The following MYO18A variants were observed in gnomAD, a reference collection of about 807,000 sequenced individuals.
MYO18A encodes myosin XVIIIA, also known as unconventional myosin-XVIIIa.
In MYO18A, 78 loss-of-function variants were observed where a neutral mutation model predicts 235.8. That is an observed-to-expected ratio of 0.33 (90% CI 0.28 to 0.40). The LOEUF (loss-of-function observed/expected upper bound fraction) is 0.40. Among genes scored for constraint, MYO18A ranks in the 10% least tolerant of loss-of-function variants. The pLI is 1.00. For missense variants in MYO18A, 2,215 were observed against 2,699.3 expected (o/e 0.82, Z 3.98); for synonymous variants, 977 against 1,077.8 (o/e 0.91, Z 1.83).
intron 19 of MYO18A, chr17:29,107,531 C>T (rs2066819401): frequency 4.2e-6 from 1 of 236,332 alleles, no homozygotes; most frequent in Admixed American, 5.0e-5. Context: ...ACATCCCAAT[C>T]CCCAAGATGC....
chr17:29,091,024 A>C, intron 34 of MYO18A, 98 bp from the exon 35 acceptor site: 2 of 965,298 alleles, frequency 2.1e-6, no homozygotes, highest in Non-Finnish European at 3.2e-6. Context: ...GAAGATGATA[A>C]TGGGCTGAGC....
chr17:29,129,627 T>C (rs1293540717), intron 2 of MYO18A, among the ~76,000 whole-genome samples: 1 of 152,188 alleles, frequency 6.6e-6, no homozygotes, highest in Non-Finnish European at 1.5e-5. Flanking sequence ...CCCAAAACAA[T>C]GATCTTGGTT....
chr17:29,102,722 A>C (rs2066684808), intron 21 of MYO18A, among the ~76,000 whole-genome samples: 2 of 152,222 alleles, frequency 1.3e-5, no homozygotes, highest in Admixed American at 6.5e-5. Flanking sequence ...GACAGAGACG[A>C]AGGGCAGGAG....
Position 29,145,284 on chromosome 17 carries a change from C to T in MYO18A, c.999+20658G>A, listed in dbSNP as rs141607412. On this transcript the variant is annotated intron_variant, in intron 2 of 41. Coordinates refer to ENST00000527372, the MANE Select transcript of MYO18A (RefSeq NM_078471.4). ...ATCTGAACGGTGCACGCACAATAAACGGGCTGGAATAGAGTGGGGAACAAG... is the reference window on the plus strand; with the variant it reads ...ATCTGAACGGTGCACGCACAATAAATGGGCTGGAATAGAGTGGGGAACAAG... Among the ~76,000 whole-genome samples the T allele has an allele frequency of 2.0e-3, 306 of 152,278 alleles. 2 individuals carry two copies. Among genetic ancestry groups the T allele is most frequent in the Middle Eastern group, 0.01 (3 of 294 alleles).
At chr17:29,084,361 T>C (rs1298576383) in intron 40 of MYO18A, among the ~76,000 whole-genome samples, 1 of 152,126 alleles carries the variant, frequency 6.6e-6, no homozygotes, top group African/African-American at 2.4e-5. Context: ...TTTTCCTCCT[T>C]ACATACAGAA....
At chr17:29,119,293 T>C (rs1207896408) in intron 8 of MYO18A, 42 bp downstream of exon 8, 1 of 1,485,738 alleles carries the variant, frequency 6.7e-7, no homozygotes, top group African/African-American at 1.4e-5. Context: ...GTCAGTGGGC[T>C]GGAGTTCAGA....
intron 13 of MYO18A, 81 bp from the exon 14 acceptor site, chr17:29,115,180 C>T: frequency 6.7e-7 from 1 of 1,485,418 alleles, no homozygotes; most frequent in South Asian, 1.3e-5. Context: ...AGCCAGACCT[C>T]TATCCCTGCC....
chr17:29,109,782 C>A lies in MYO18A; in HGVS notation c.3331+76G>T. ...AGCAGCCCCACTGCAGCCCACGGGTCGCAGGTGGGAGGTGGGGCCGGGCAG... is the reference window on the plus strand; with the variant it reads ...AGCAGCCCCACTGCAGCCCACGGGTAGCAGGTGGGAGGTGGGGCCGGGCAG... On this transcript the variant is annotated intron_variant, in intron 19 of 41. Coordinates refer to ENST00000527372, the MANE Select transcript of MYO18A (RefSeq NM_078471.4). This position sits in a 1 kb window ranked among gnomAD's most constrained non-coding sequence, Gnocchi z 4.1. 1 of 1,505,894 alleles carries A rather than the reference C, an allele frequency of 6.6e-7. No homozygotes were observed. The highest frequency in any genetic ancestry group is 1.3e-5 in the South Asian group (1 of 79,720). 93.3% of individuals were successfully genotyped at this position (1,505,894 alleles called of 1,614,324 possible).
chr17:29,074,617 G>A lies in MYO18A; in HGVS notation c.*153C>T, dbSNP rs1255948031. 1 of 778,840 alleles carries A rather than the reference G, an allele frequency of 1.3e-6. No homozygotes were observed. The highest frequency in any genetic ancestry group is 2.1e-6 in the Non-Finnish European group (1 of 471,026). 48.2% of individuals were successfully genotyped at this position (778,840 alleles called of 1,614,324 possible). A position where few individuals can be genotyped will look rare whatever the true frequency, so the allele number is the denominator to read the frequency against. ...CACGTGGAGACATCAGACACCCATA[G>A]CCTGGAAAGTGCCCCTGACAGAAGA... On this transcript the variant is annotated 3_prime_UTR_variant, in exon 42 of 42. Coordinates refer to ENST00000527372, the MANE Select transcript of MYO18A (RefSeq NM_078471.4). This position sits in a 1 kb window ranked among gnomAD's most constrained non-coding sequence, Gnocchi z 4.4.
At chr17:29,176,140 A>G (rs2068521171) in intron 1 of MYO18A, among the ~76,000 whole-genome samples, 1 of 152,178 alleles carries the variant, frequency 6.6e-6, no homozygotes, top group South Asian at 2.1e-4. Context: ...GAAGGGTAAC[A>G]CTTTAGTAAC....
chr17:29,125,433 T>G lies in MYO18A; in HGVS notation c.1000-3180A>C, dbSNP rs1488346099. Among the ~76,000 whole-genome samples the G allele has an allele frequency of 6.6e-6, 1 of 152,214 alleles. No individual in the cohort carries two copies. Among genetic ancestry groups the G allele is most frequent in the East Asian group, 1.9e-4 (1 of 5,192 alleles). On this transcript the variant is annotated intron_variant, in intron 2 of 41. Transcript: ENST00000527372. This position sits in a 1 kb window ranked among gnomAD's most constrained non-coding sequence, Gnocchi z 5.1. ...AAACCCTGTGGCCAGCCGTGACCTCTCTGGTTACTTAAAGCCCTGAAAAGC... is the reference window on the plus strand; with the variant it reads ...AAACCCTGTGGCCAGCCGTGACCTCGCTGGTTACTTAAAGCCCTGAAAAGC...
intron 2 of MYO18A, among the ~76,000 whole-genome samples, chr17:29,162,464 G>A (rs2152970006): frequency 1.3e-5 from 2 of 152,270 alleles, no homozygotes; most frequent in Admixed American, 1.3e-4. Context: ...TTGTGACAGT[G>A]TTTCCCTTCC....
Position 29,115,084 on chromosome 17 carries a change from G to A in MYO18A, c.2334C>T (p.Ser778=). The part of the protein sequence containing the change: ...VSLVNRALKS[S]QHSLCSMMIV... ...TCATCATGGAGCAGAGTGAGTGCTG[G>A]CTGGACTTGAGAGCCCTGGATAGGG... Residue 778 remains serine, a synonymous_variant, in exon 14 of 42, where the codon AGC becomes AGT. Transcript: ENST00000527372. The A allele has an allele frequency of 6.2e-7, 1 of 1,613,274 alleles. No individual in the cohort carries two copies. The highest frequency in any genetic ancestry group is 8.5e-7 in the Non-Finnish European group (1 of 1,179,472).
chr17:29,167,315 A>T (rs1173730879), intron 1 of MYO18A, among the ~76,000 whole-genome samples: 1 of 152,254 alleles, frequency 6.6e-6, no homozygotes, highest in Non-Finnish European at 1.5e-5. Flanking sequence ...CATTTCCTTG[A>T]ATCTTTGATA....
At position 29,166,458 on chromosome 17, in the gene MYO18A, G is replaced by A. The variant is rs778871506; in HGVS notation, c.483C>T (p.Ala161=). ...SETSTPSEHS[A]APSPQVEVRT... Reference sequence around the variant, plus strand: ...TCACCTCCACCTGTGGCGAGGGGGCGGCAGAGTGCTCTGAGGGCGTCGAGG... The same window carrying A: ...TCACCTCCACCTGTGGCGAGGGGGCAGCAGAGTGCTCTGAGGGCGTCGAGG... Residue 161 remains alanine (A), a synonymous_variant, in exon 2 of 42, where the codon GCC becomes GCT. Coordinates refer to ENST00000527372, the MANE Select transcript of MYO18A (RefSeq NM_078471.4). The A allele has an allele frequency of 2.3e-5, 37 of 1,613,636 alleles. No homozygotes were observed. Among genetic ancestry groups the A allele is most frequent in the Non-Finnish European group, 3.1e-5 (36 of 1,179,874 alleles).
In MYO18A at chr17:29,120,703, G is replaced by A; in HGVS notation, c.1641C>T (p.Thr547=). 9 of 1,613,976 alleles carry A rather than the reference G, an allele frequency of 5.6e-6. No individual in the cohort carries two copies. Among genetic ancestry groups the A allele is most frequent in the Non-Finnish European group, 7.6e-6 (9 of 1,179,878 alleles). Residue 547 remains threonine, a synonymous_variant, in exon 7 of 42, where the codon ACC becomes ACT. Coordinates refer to ENST00000527372, the MANE Select transcript of MYO18A (RefSeq NM_078471.4). This position sits in a 1 kb window ranked among gnomAD's most constrained non-coding sequence, Gnocchi z 4.2. The part of the protein sequence containing the change: ...TLLEAFGNSP[T]IINGNATRFS... Reference sequence around the variant, plus strand: ...AGCGGGTGGCATTGCCATTAATGATGGTGGGGCTGTTCCCAAAGGCTTCCA... The same window carrying A: ...AGCGGGTGGCATTGCCATTAATGATAGTGGGGCTGTTCCCAAAGGCTTCCA...
rs1332720386 is a variant in MYO18A, at chr17:29,106,295, G to A, written c.3441+785C>T. On this transcript the variant is annotated intron_variant, in intron 20 of 41. Transcript: ENST00000527372. The surrounding 1 kb of genome is among the most constrained non-coding windows in gnomAD (Gnocchi z 4.6). Reference sequence around the variant, plus strand: ...ATGAGGTTGCCCAGGCCACCAGCAGGCCAAAGGATGGAGGGAAGTTCTTCC... The same window carrying A: ...ATGAGGTTGCCCAGGCCACCAGCAGACCAAAGGATGGAGGGAAGTTCTTCC... 6.6e-6 allele frequency among the ~76,000 whole-genome samples: 1 copy of A among 152,134 alleles called. No individual in the cohort carries two copies. The highest frequency in any genetic ancestry group is 2.4e-5 in the African/African-American group (1 of 41,430).
chr17:29,092,198 G>A (rs972397502), intron 34 of MYO18A, 145 bp downstream of exon 34: 29 of 642,586 alleles, frequency 4.5e-5, no homozygotes, highest in Middle Eastern at 4.1e-4. Context: ...GGGGAGGCCC[G>A]CTCTTCCTGC....
chr17:29,090,360 A>C (rs928765169), intron 36 of MYO18A, among the ~76,000 whole-genome samples, 172 bp downstream of exon 36: 1 of 152,180 alleles, frequency 6.6e-6, no homozygotes, highest in Non-Finnish European at 1.5e-5. Context: ...GGGAAGCCCA[A>C]ATGTCTGTTA....
Sources: allele counts gnomAD v4.1 joint callset (sites outside exome capture counted in the v4.1 genomes callset), GRCh38; gene constraint gnomAD v4.1.1; non-coding constraint Gnocchi (gnomAD v3.1); transcripts MANE v1.5; gene names NCBI Gene and HGNC (gene_info 2026-07-23, HGNC 2026-07-21).